The following NTRK3 variants were observed in gnomAD, a reference collection of about 807,000 sequenced individuals.
The protein encoded by NTRK3 is NT-3 growth factor receptor.
A neutral mutation model predicts 91.7 loss-of-function variants in NTRK3; 24 were observed. That is an observed-to-expected ratio of 0.26 (90% confidence interval 0.19 to 0.37). The LOEUF is 0.37. Among genes scored for constraint, NTRK3 ranks in the 10% least tolerant of loss-of-function variants. NTRK3 has a pLI of 1.00. For missense variants in NTRK3, 880 were observed against 1,068.9 expected, an observed-to-expected ratio of 0.82 and a Z score of 2.46; for synonymous variants, 483 against 404.0, an observed-to-expected ratio of 1.20 and a Z score of -2.34.
intron 14 of NTRK3, among the ~76,000 whole-genome samples, chr15:88,016,098 G>A (rs1453583066): frequency 6.6e-6 from 1 of 152,092 alleles, no homozygotes; most frequent in African/African-American, 2.4e-5. Flanking sequence ...AAAATGTCAT[G>A]CATTCATCAC....
intron 17 of NTRK3, chr15:87,927,521 T>C (rs1198462939): frequency 6.6e-6 from 1 of 152,128 alleles, no homozygotes; most frequent in African/African-American, 2.4e-5. Flanking sequence ...GATGAGACAA[T>C]TGGCTGCCAT....
chr15:88,158,777 G>A (rs1027914788), intron 5 of NTRK3, among the ~76,000 whole-genome samples: 8 of 152,152 alleles, frequency 5.3e-5, no homozygotes, highest in East Asian at 1.9e-4. Context: ...TCCACCACCC[G>A]GGGAGGTGGA....
At chr15:88,117,706 A>G (rs1434787048) in intron 13 of NTRK3, among the ~76,000 whole-genome samples, 3 of 152,282 alleles carry the variant, frequency 2.0e-5, no homozygotes, top group Non-Finnish European at 4.4e-5. Context: ...AGCCAGCAGC[A>G]TGTTTCCCTC....
chr15:87,940,891 G>A, intron 14 of NTRK3, 138 bp from the exon 15 acceptor site: 2 of 1,137,250 alleles, frequency 1.8e-6, no homozygotes, highest in Non-Finnish European at 2.6e-6. Context: ...TAGCACACCA[G>A]CTTTAGCATA....
intron 13 of NTRK3, among the ~76,000 whole-genome samples, chr15:88,063,836 A>C (rs1196820760): frequency 6.6e-6 from 1 of 152,252 alleles, no homozygotes; most frequent in East Asian, 1.9e-4. Flanking sequence ...CCTGGAGCTC[A>C]GAAGAAACAG....
At chr15:88,094,092 C>T (rs193149349) in intron 13 of NTRK3, among the ~76,000 whole-genome samples, 8 of 152,180 alleles carry the variant, frequency 5.3e-5, no homozygotes, top group Non-Finnish European at 7.4e-5. Flanking sequence ...GGCTCCTTGG[C>T]AAGTCTTTAA....
chr15:88,234,023 C>G lies in NTRK3; in HGVS notation c.248+21883G>C, dbSNP rs551350850. ...GCAAGTGCCATTCCTGAGCTGGAGT[C>G]CCTTTCTGCCACCATGCACCTCGAT... On this transcript the variant is annotated intron_variant, in intron 3 of 18. Coordinates refer to ENST00000394480, the Ensembl canonical transcript of NTRK3. This position sits in a 1 kb window ranked among gnomAD's most constrained non-coding sequence, Gnocchi z 6.1. 6.6e-6 allele frequency among the ~76,000 whole-genome samples: 1 copy of G among 152,294 alleles called. No homozygotes were observed. Among genetic ancestry groups the G allele is most frequent in the East Asian group, 1.9e-4 (1 of 5,176 alleles).
intron 13 of NTRK3, among the ~76,000 whole-genome samples, chr15:88,115,491 C>T (rs867118961): frequency 8.5e-5 from 13 of 152,222 alleles, no homozygotes; most frequent in Admixed American, 5.9e-4. Context: ...ACCACCCGGA[C>T]GCCCTCCTTG....
intron 13 of NTRK3, among the ~76,000 whole-genome samples, chr15:88,106,458 C>G (rs1359697874): frequency 2.0e-5 from 3 of 152,042 alleles, no homozygotes; most frequent in Non-Finnish European, 4.4e-5. Context: ...AATACACAAG[C>G]AACGTGAAAA....
At chr15:87,862,822 T>A (rs1596026246) in exon 19 of NTRK3, 1 of 229,892 alleles carries the variant, frequency 4.3e-6, no homozygotes, top group Admixed American at 5.7e-5. Context: ...GAAGGGTGGA[T>A]GCTGAGAATC....
chr15:88,101,892 G>T (rs1348964974), intron 13 of NTRK3, among the ~76,000 whole-genome samples: 1 of 152,116 alleles, frequency 6.6e-6, no homozygotes, highest in Non-Finnish European at 1.5e-5. Context: ...GGGAAGGATA[G>T]CATTAGAAGA....
chr15:87,980,844 T>A (rs1343188026), intron 14 of NTRK3, among the ~76,000 whole-genome samples: 1 of 152,074 alleles, frequency 6.6e-6, no homozygotes, highest in Non-Finnish European at 1.5e-5. Flanking sequence ...AGGGAGGCTG[T>A]TTCAAGGTGA....
chr15:88,148,175 G>A (rs1001670593), intron 5 of NTRK3, among the ~76,000 whole-genome samples: 1 of 152,154 alleles, frequency 6.6e-6, no homozygotes, highest in South Asian at 2.1e-4. Context: ...ACACAAACAC[G>A]ATGTGTGTAT....
chr15:87,991,347 T>A (rs1016047484), intron 14 of NTRK3, among the ~76,000 whole-genome samples: 4 of 152,188 alleles, frequency 2.6e-5, no homozygotes, highest in Non-Finnish European at 5.9e-5. Context: ...GATTGGGATC[T>A]GCATTTTAAC....
At chr15:87,932,022 C>T (rs987126426) in intron 16 of NTRK3, among the ~76,000 whole-genome samples, 2 of 152,224 alleles carry the variant, frequency 1.3e-5, no homozygotes, top group Admixed American at 6.5e-5. Flanking sequence ...AAGACCTTCA[C>T]ATGGCTGTCC....
At chr15:88,159,957 C>CAG (rs947610195) in intron 5 of NTRK3, among the ~76,000 whole-genome samples, 2 of 142,582 alleles carry the variant, frequency 1.4e-5, no homozygotes, top group African/African-American at 5.5e-5. Context: ...CACACACACA[C>CAG]ACACACACAC....
intron 3 of NTRK3, among the ~76,000 whole-genome samples, chr15:88,206,343 CA>C (rs113171048): frequency 0.07 from 8,234 of 117,692 alleles, 862 homozygotes; most frequent in African/African-American, 0.24. Context: ...GACTCCATCT[CA>C]AAAAAAAAAA....
intron 14 of NTRK3, among the ~76,000 whole-genome samples, chr15:88,024,186 G>A (rs1032647811): frequency 9.9e-5 from 15 of 152,172 alleles, no homozygotes; most frequent in East Asian, 3.9e-4. Flanking sequence ...GAGATAAGCC[G>A]CTTGCACACT....
intron 3 of NTRK3, among the ~76,000 whole-genome samples, chr15:88,225,666 C>T (rs1490749905): frequency 6.6e-6 from 1 of 152,182 alleles, no homozygotes; most frequent in Non-Finnish European, 1.5e-5. Flanking sequence ...ATTATCAGTA[C>T]AAGCCAGGCA....
Sources: gnomAD v4.1 joint callset for allele counts (sites outside exome capture counted in the v4.1 genomes callset) on GRCh38, gnomAD v4.1.1 for gene constraint, Gnocchi (gnomAD v3.1) non-coding constraint, MANE v1.5 for transcripts, NCBI Gene and HGNC (gene_info 2026-07-23, HGNC 2026-07-21) for gene names.